The following OLIG1 variants were observed in gnomAD, a reference collection of about 807,000 sequenced individuals.
The protein encoded by OLIG1 is basic domain, helix-loop-helix protein, class B, 6.
OLIG1 carries 9 observed loss-of-function variants against 13.5 expected under a neutral mutation model. The observed-to-expected ratio is 0.67, with a 90% CI of 0.40 to 1.17. OLIG1 has a LOEUF of 1.17. Among genes scored for constraint, OLIG1 ranks in the 50% most tolerant of loss-of-function variants. The pLI is 0.01. For synonymous variants in OLIG1, 215 were observed against 208.3 expected (o/e 1.03, Z -0.28); for missense variants, 362 against 392.2 (o/e 0.92, Z 0.65).
chr21:33,070,987 C>G lies in OLIG1; in HGVS notation c.741C>G (p.Cys247Trp). ...GGAGGPGLCT[C>W]AVCKFPHLVP... ...CAGGCGGCCCCGGCCTCTGCACCTG[C>G]GCCGTGTGCAAGTTCCCGCACCTGG... The change falls in exon 1 of 1, where the codon TGC becomes TGG. Residue 247 changes from cysteine (C) to tryptophan (W), a missense_variant. Cys to Trp is a radical substitution (Grantham distance 215). Coordinates refer to ENST00000382348, the MANE Select transcript of OLIG1 (RefSeq NM_138983.3). The surrounding 1 kb of genome is among the most constrained non-coding windows in gnomAD (Gnocchi z 5.9). 1 of 1,498,972 alleles carries G rather than the reference C, an allele frequency of 6.7e-7. No homozygotes were observed. The highest frequency in any genetic ancestry group is 1.2e-5 in the South Asian group (1 of 81,322). 92.9% of individuals were successfully genotyped at this position (1,498,972 alleles called of 1,614,324 possible). A position where few individuals can be genotyped will look rare whatever the true frequency, so the allele number is the denominator to read the frequency against.
rs1344982321 is a variant in OLIG1 at position 33,071,558 on chromosome 21, G to C, written c.*496G>C. 6.0e-6 allele frequency: 1 copy of C among 166,034 alleles called. No individual in the cohort carries two copies. Among genetic ancestry groups the C allele is most frequent in the Non-Finnish European group, 1.5e-5 (1 of 68,262 alleles). The allele number at this position is 166,034 out of a possible 1,614,324, so 10.3% of individuals were successfully genotyped here. A position where few individuals can be genotyped will look rare whatever the true frequency, so the allele number is the denominator to read the frequency against. ...TTCCTTCTCCTCCGCCAGAGGCCACGGGCGCCCTTGTTCCCGCCGGCCAGG... is the reference window on the plus strand; with the variant it reads ...TTCCTTCTCCTCCGCCAGAGGCCACCGGCGCCCTTGTTCCCGCCGGCCAGG... On this transcript the variant is annotated 3_prime_UTR_variant, in exon 1 of 1. Transcript: ENST00000382348. This position sits in a 1 kb window ranked among gnomAD's most constrained non-coding sequence, Gnocchi z 6.0.
Position 33,070,519 on chromosome 21 carries a change from C to T in OLIG1, c.273C>T (p.Gly91=). The T allele has an allele frequency of 6.7e-7, 1 of 1,497,622 alleles. No individual in the cohort carries two copies. The highest frequency in any genetic ancestry group is 8.9e-7 in the Non-Finnish European group (1 of 1,129,400). The allele number at this position is 1,497,622 out of a possible 1,614,324, so 92.8% of individuals were successfully genotyped here. Residue 91 remains glycine, a synonymous_variant, in exon 1 of 1, where the codon GGC becomes GGT. Coordinates refer to ENST00000382348, the MANE Select transcript of OLIG1 (RefSeq NM_138983.3). The surrounding 1 kb of genome is among the most constrained non-coding windows in gnomAD (Gnocchi z 5.9). ...GPGPGSGAHP[G]GSARPDAKEE... ...GGCCCGGGTCAGGCGCGCACCCGGG[C>T]GGCAGCGCCCGGCCGGACGCCAAGG... is the stretch of plus-strand genomic sequence containing the variant.
Position 33,070,560 on chromosome 21 carries a change from A to T in OLIG1, c.314A>T (p.Gln105Leu), listed in dbSNP as rs1342362703. 1.5e-5 allele frequency: 23 copies of T among 1,525,254 alleles called. No homozygotes were observed. The highest frequency in any genetic ancestry group is 9.7e-5 in the South Asian group (8 of 82,094). 94.5% of individuals were successfully genotyped at this position (1,525,254 alleles called of 1,614,324 possible). Residue 105 changes from glutamine to leucine, a missense_variant, in exon 1 of 1, where the codon CAG (glutamine) becomes CTG (leucine). Around this residue, in one of 3 missense-constraint regions of OLIG1, gnomAD observed 206 missense variants for 197.2 expected, o/e 1.04. Coordinates refer to ENST00000382348, the MANE Select transcript of OLIG1 (RefSeq NM_138983.3). The surrounding 1 kb of genome is among the most constrained non-coding windows in gnomAD (Gnocchi z 5.9). ...RPDAKEEQQQQLRRKINSRER... is the reference protein window; with the variant it reads ...RPDAKEEQQQLLRRKINSRER... Reference sequence around the variant, plus strand: ...GACGCCAAGGAGGAGCAGCAGCAGCAGCTGCGGCGCAAGATCAACAGCCGC... The same window carrying T: ...GACGCCAAGGAGGAGCAGCAGCAGCTGCTGCGGCGCAAGATCAACAGCCGC...
At position 33,071,664 on chromosome 21, in the gene OLIG1, C is replaced by G. The variant is rs1378185505; in HGVS notation, c.*602C>G. ...TGCAGACGGTCTGGGACGTGGCAGA[C>G]GGACGGACCCTCGGCGGACAGGTGG... On this transcript the variant is annotated 3_prime_UTR_variant, in exon 1 of 1. Coordinates refer to ENST00000382348, the MANE Select transcript of OLIG1 (RefSeq NM_138983.3). This position sits in a 1 kb window ranked among gnomAD's most constrained non-coding sequence, Gnocchi z 6.0. 1 of 167,180 alleles carries G rather than the reference C, an allele frequency of 6.0e-6. No homozygotes were observed. Among genetic ancestry groups the G allele is most frequent in the Non-Finnish European group, 1.5e-5 (1 of 68,206 alleles). 10.4% of individuals were successfully genotyped at this position (167,180 alleles called of 1,614,324 possible).
chr21:33,071,779 G>C lies in OLIG1; in HGVS notation c.*717G>C, dbSNP rs1982239152. On this transcript the variant is annotated 3_prime_UTR_variant, in exon 1 of 1. Coordinates refer to ENST00000382348, the MANE Select transcript of OLIG1 (RefSeq NM_138983.3). The surrounding 1 kb of genome is among the most constrained non-coding windows in gnomAD (Gnocchi z 6.0). The stretch of plus-strand genomic sequence containing the variant: ...TCCACTTTTGTAGACCAGCTGTTTG[G>C]AGAGCTGTATTTAAGACTCGCGTAT... 6.0e-6 allele frequency: 1 copy of C among 167,062 alleles called. No individual in the cohort carries two copies. The highest frequency in any genetic ancestry group is 1.5e-5 in the Non-Finnish European group (1 of 68,112). 10.3% of individuals were successfully genotyped at this position (167,062 alleles called of 1,614,324 possible).
Position 33,070,797 on chromosome 21 carries a change from C to T in OLIG1, c.551C>T (p.Pro184Leu). ...ALGEGAGPAA[P>L]RLLLAGLPLL... The stretch of plus-strand genomic sequence containing the variant: ...GGCGAGGGCGCCGGGCCCGCCGCGC[C>T]GCGCCTGCTGCTGGCCGGGCTGCCC... Residue 184 changes from proline (P) to leucine (L), a missense_variant, in exon 1 of 1, where the codon CCG becomes CTG. Transcript: ENST00000382348. This position sits in a 1 kb window ranked among gnomAD's most constrained non-coding sequence, Gnocchi z 5.9. The T allele has an allele frequency of 8.4e-7, 1 of 1,195,282 alleles. No individual in the cohort carries two copies. The highest frequency in any genetic ancestry group is 1.0e-6 in the Non-Finnish European group (1 of 965,380). 74.0% of individuals were successfully genotyped at this position (1,195,282 alleles called of 1,614,324 possible).
rs981286631 is a variant in OLIG1 at position 33,071,798 on chromosome 21, C to T, written c.*736C>T. ...TGTTTGGAGAGCTGTATTTAAGACT[C>T]GCGTATCCAGTGTTTTGTCGCAGAG... On this transcript the variant is annotated 3_prime_UTR_variant, in exon 1 of 1. Coordinates refer to ENST00000382348, the MANE Select transcript of OLIG1 (RefSeq NM_138983.3). The surrounding 1 kb of genome is among the most constrained non-coding windows in gnomAD (Gnocchi z 6.0). The T allele has an allele frequency of 1.2e-5, 2 of 167,064 alleles. No individual in the cohort carries two copies. Among genetic ancestry groups the T allele is most frequent in the African/African-American group, 4.8e-5 (2 of 41,432 alleles). 10.3% of individuals were successfully genotyped at this position (167,064 alleles called of 1,614,324 possible).
In OLIG1 at chr21:33,070,580, A is replaced by C. The variant is rs1445101209; in HGVS notation, c.334A>C (p.Ser112Arg). Residue 112 changes from serine (S) to arginine (R), a missense_variant, in exon 1 of 1, where the codon AGC becomes CGC. By Grantham distance (110) the Ser-to-Arg change is moderately radical. Transcript: ENST00000382348. The surrounding 1 kb of genome is among the most constrained non-coding windows in gnomAD (Gnocchi z 5.9). ...QQQQLRRKIN[S>R]RERKRMQDLN... ...GCAGCAGCTGCGGCGCAAGATCAAC[A>C]GCCGCGAGCGGAAGCGCATGCAGGA... is the stretch of plus-strand genomic sequence containing the variant. 6.4e-7 allele frequency: 1 copy of C among 1,551,768 alleles called. No homozygotes were observed. The highest frequency in any genetic ancestry group is 2.5e-5 in the East Asian group (1 of 39,248).
Position 33,071,094 on chromosome 21 carries a change from C to T in OLIG1, c.*32C>T. 1 of 1,441,776 alleles carries T rather than the reference C, an allele frequency of 6.9e-7. No homozygotes were observed. The highest frequency in any genetic ancestry group is 9.1e-7 in the Non-Finnish European group (1 of 1,099,030). The allele number at this position is 1,441,776 out of a possible 1,614,324, so 89.3% of individuals were successfully genotyped here. On this transcript the variant is annotated 3_prime_UTR_variant, in exon 1 of 1. Transcript: ENST00000382348. The surrounding 1 kb of genome is among the most constrained non-coding windows in gnomAD (Gnocchi z 6.0). ...GCCTGGGCCTGGGGCGCGACCTCGG[C>T]CCGGCCTCCCTTCGCTCAGCTTCTC...
Position 33,070,766 on chromosome 21 carries a change from G to A in OLIG1, c.520G>A (p.Ala174Thr), listed in dbSNP as rs745985781. The A allele has an allele frequency of 5.2e-5, 65 of 1,243,162 alleles. 1 individual carries two copies. The South Asian group carries it at 1.8e-3, about 35-fold the overall frequency. 77.0% of individuals were successfully genotyped at this position (1,243,162 alleles called of 1,614,324 possible). The stretch of plus-strand genomic sequence containing the variant: ...CAGCTCGCTGCAGGAGCTGCGCCGC[G>A]CGCTGGGCGAGGGCGCCGGGCCCGC... ...LGSSLQELRR[A>T]LGEGAGPAAP... is the part of the protein sequence containing the mutation. The change falls in exon 1 of 1, where the codon GCG (alanine) becomes ACG (threonine). Residue 174 changes from alanine (A) to threonine (T), a missense_variant. By Grantham distance (58) the Ala-to-Thr change is moderately conservative. This residue lies in a region of OLIG1 where 94 missense variants were observed against 146.0 expected (regional missense o/e 0.64). Coordinates refer to ENST00000382348, the MANE Select transcript of OLIG1 (RefSeq NM_138983.3). The surrounding 1 kb of genome is among the most constrained non-coding windows in gnomAD (Gnocchi z 5.9).
In OLIG1 at chr21:33,071,162, G is replaced by A. The variant is rs1055601570; in HGVS notation, c.*100G>A. On this transcript the variant is annotated 3_prime_UTR_variant, in exon 1 of 1. Transcript: ENST00000382348. This position sits in a 1 kb window ranked among gnomAD's most constrained non-coding sequence, Gnocchi z 6.0. ...CGTCTGGGAGAGCGAGGCCGAGCAAGGAAAGCATTTCGAACCTTCCAGTCC... is the reference window on the plus strand; with the variant it reads ...CGTCTGGGAGAGCGAGGCCGAGCAAAGAAAGCATTTCGAACCTTCCAGTCC... The A allele has an allele frequency of 3.4e-6, 4 of 1,172,884 alleles. No homozygotes were observed. In the Admixed American group the frequency reaches 1.6e-4, roughly 48 times the overall value. The allele number at this position is 1,172,884 out of a possible 1,614,324, so 72.7% of individuals were successfully genotyped here.
Position 33,070,741 on chromosome 21 carries a change from C to A in OLIG1, c.495C>A (p.Gly165=), listed in dbSNP as rs751259344. 6 of 1,391,916 alleles carry A rather than the reference C, an allele frequency of 4.3e-6. No homozygotes were observed. The South Asian group carries it at 1.0e-4, about 24-fold the overall frequency. 86.2% of individuals were successfully genotyped at this position (1,391,916 alleles called of 1,614,324 possible). A position where few individuals can be genotyped will look rare whatever the true frequency, so the allele number is the denominator to read the frequency against. The change falls in exon 1 of 1, where the codon GGC becomes GGA. Residue 165 remains glycine, a synonymous_variant. Coordinates refer to ENST00000382348, the MANE Select transcript of OLIG1 (RefSeq NM_138983.3). This position sits in a 1 kb window ranked among gnomAD's most constrained non-coding sequence, Gnocchi z 5.9. ...CCCGCAACTACATCCTACTGCTGGG[C>A]AGCTCGCTGCAGGAGCTGCGCCGCG... is the stretch of plus-strand genomic sequence containing the variant. ...LLARNYILLL[G]SSLQELRRAL...
In OLIG1 at chr21:33,072,173, C is replaced by G. The variant is rs1007285726; in HGVS notation, c.*1111C>G. On this transcript the variant is annotated 3_prime_UTR_variant, in exon 1 of 1. Coordinates refer to ENST00000382348, the MANE Select transcript of OLIG1 (RefSeq NM_138983.3). ...CCCTTGACCAGCGCGGCCCGCAGGT[C>G]TTCCTTCTCGCCGTCTTGCAGTTGA... is the stretch of plus-strand genomic sequence containing the variant. The G allele has an allele frequency of 6.0e-6, 1 of 167,124 alleles. No homozygotes were observed. The highest frequency in any genetic ancestry group is 1.5e-5 in the Non-Finnish European group (1 of 68,126). 10.4% of individuals were successfully genotyped at this position (167,124 alleles called of 1,614,324 possible).
At position 33,070,259 on chromosome 21, in the gene OLIG1, G is replaced by T. The variant is rs1415664925; in HGVS notation, c.13G>T (p.Val5Phe). 1 of 1,541,024 alleles carries T rather than the reference G, an allele frequency of 6.5e-7. No individual in the cohort carries two copies. MYYA[V>F]SQARVNAVPG... ...CACCGCCTCCCAGATGTACTATGCG[G>T]TTTCCCAGGCGCGCGTGAACGCGGT... The change falls in exon 1 of 1, where the codon GTT (valine) becomes TTT (phenylalanine). Residue 5 changes from valine to phenylalanine, a missense_variant. By Grantham distance (50) the Val-to-Phe change is conservative. Coordinates refer to ENST00000382348, the MANE Select transcript of OLIG1 (RefSeq NM_138983.3). This position sits in a 1 kb window ranked among gnomAD's most constrained non-coding sequence, Gnocchi z 5.9.
In OLIG1 at chr21:33,071,191, G is replaced by C. The variant is rs915755696; in HGVS notation, c.*129G>C. 3 of 891,200 alleles carry C rather than the reference G, an allele frequency of 3.4e-6. No individual in the cohort carries two copies. The highest frequency in any genetic ancestry group is 4.2e-5 in the Admixed American group (1 of 23,568). The allele number at this position is 891,200 out of a possible 1,614,324, so 55.2% of individuals were successfully genotyped here. On this transcript the variant is annotated 3_prime_UTR_variant, in exon 1 of 1. Transcript: ENST00000382348. The surrounding 1 kb of genome is among the most constrained non-coding windows in gnomAD (Gnocchi z 6.0). ...AGCATTTCGAACCTTCCAGTCCAGA[G>C]GAAGGGACTGTCGGGCACCCCCTTC...
rs1982170171 is a variant in OLIG1 at position 33,070,158 on chromosome 21, C to T, written c.-89C>T. The T allele has an allele frequency of 1.4e-6, 2 of 1,400,278 alleles. No individual in the cohort carries two copies. The highest frequency in any genetic ancestry group is 6.8e-5 in the Admixed American group (2 of 29,520). The allele number at this position is 1,400,278 out of a possible 1,614,324, so 86.7% of individuals were successfully genotyped here. A position where few individuals can be genotyped will look rare whatever the true frequency, so the allele number is the denominator to read the frequency against. ...AGGGCCCCACCATCGTTTCCCCGCG[C>T]GCAGGTCCGCGGGGAGGGGCGGCCT... On this transcript the variant is annotated 5_prime_UTR_variant, in exon 1 of 1. Coordinates refer to ENST00000382348, the MANE Select transcript of OLIG1 (RefSeq NM_138983.3). This position sits in a 1 kb window ranked among gnomAD's most constrained non-coding sequence, Gnocchi z 5.9.
At position 33,071,564 on chromosome 21, in the gene OLIG1, C is replaced by T. The variant is rs934410327; in HGVS notation, c.*502C>T. On this transcript the variant is annotated 3_prime_UTR_variant, in exon 1 of 1. Transcript: ENST00000382348. This position sits in a 1 kb window ranked among gnomAD's most constrained non-coding sequence, Gnocchi z 6.0. Reference sequence around the variant, plus strand: ...CTCCTCCGCCAGAGGCCACGGGCGCCCTTGTTCCCGCCGGCCAGGTCCTAT... The same window carrying T: ...CTCCTCCGCCAGAGGCCACGGGCGCTCTTGTTCCCGCCGGCCAGGTCCTAT... 6.6e-5 allele frequency: 11 copies of T among 166,538 alleles called. No individual in the cohort carries two copies. The highest frequency in any genetic ancestry group is 2.4e-4 in the African/African-American group (10 of 41,458). The allele number at this position is 166,538 out of a possible 1,614,324, so 10.3% of individuals were successfully genotyped here.
rs1329757726 is a variant in OLIG1, at chr21:33,070,970, C to T, written c.724C>T (p.Pro242Ser). 4.1e-6 allele frequency: 6 copies of T among 1,476,108 alleles called. No homozygotes were observed. The highest frequency in any genetic ancestry group is 5.4e-6 in the Non-Finnish European group (6 of 1,120,996). 91.4% of individuals were successfully genotyped at this position (1,476,108 alleles called of 1,614,324 possible). A position where few individuals can be genotyped will look rare whatever the true frequency, so the allele number is the denominator to read the frequency against. Residue 242 changes from proline to serine, a missense_variant, in exon 1 of 1, where the codon CCC becomes TCC. Pro to Ser is a moderately conservative substitution (Grantham distance 74, BLOSUM62 -1). This residue lies in a region of OLIG1 where 62 missense variants were observed against 49.1 expected (regional missense o/e 1.26). Transcript: ENST00000382348. This position sits in a 1 kb window ranked among gnomAD's most constrained non-coding sequence, Gnocchi z 5.9. ...TCTCCCCGGCGGCGGCGCAGGCGGCCCCGGCCTCTGCACCTGCGCCGTGTG... is the reference window on the plus strand; with the variant it reads ...TCTCCCCGGCGGCGGCGCAGGCGGCTCCGGCCTCTGCACCTGCGCCGTGTG... ...FALPGGGAGG[P>S]GLCTCAVCKF...
chr21:33,070,157 G>C lies in OLIG1; in HGVS notation c.-90G>C. 7.1e-7 allele frequency: 1 copy of C among 1,399,420 alleles called. No individual in the cohort carries two copies. Among genetic ancestry groups the C allele is most frequent in the Non-Finnish European group, 9.3e-7 (1 of 1,075,558 alleles). 86.7% of individuals were successfully genotyped at this position (1,399,420 alleles called of 1,614,324 possible). On this transcript the variant is annotated 5_prime_UTR_variant, in exon 1 of 1. Coordinates refer to ENST00000382348, the MANE Select transcript of OLIG1 (RefSeq NM_138983.3). This position sits in a 1 kb window ranked among gnomAD's most constrained non-coding sequence, Gnocchi z 5.9. ...CAGGGCCCCACCATCGTTTCCCCGC[G>C]CGCAGGTCCGCGGGGAGGGGCGGCC... is the stretch of plus-strand genomic sequence containing the variant.
Sources: allele counts gnomAD v4.1 joint callset, GRCh38; gene constraint gnomAD v4.1.1; regional missense constraint gnomAD v4.1.1; non-coding constraint Gnocchi (gnomAD v3.1); transcripts MANE v1.5; gene names NCBI Gene and HGNC (gene_info 2026-07-23, HGNC 2026-07-21).